The following GALP variants were observed in gnomAD, a reference collection of about 807,000 sequenced individuals.
GALP encodes the protein galanin-like peptide.
GALP carries 12 observed loss-of-function variants against 15.2 expected under a neutral mutation model. That is an observed-to-expected ratio of 0.79 (90% confidence interval 0.51 to 1.28). The LOEUF (loss-of-function observed/expected upper bound fraction) is 1.28, where lower values mean the gene tolerates loss of function less well. Among genes scored for constraint, GALP ranks in the 50% most tolerant of loss-of-function variants. The pLI, the probability that GALP is intolerant of heterozygous loss-of-function variation, is 0.00. For missense variants in GALP, 161 were observed against 145.6 expected, an observed-to-expected ratio of 1.11 and a Z score of -0.55; for synonymous variants, 58 against 55.1, an observed-to-expected ratio of 1.05 and a Z score of -0.23.
chr19:56,182,337 T>C, intron 4 of GALP, 85 bp downstream of exon 4: 1 of 959,330 alleles, frequency 1.0e-6, no homozygotes, highest in Non-Finnish European at 1.6e-6. Context: ...AGATGTGAGC[T>C]CCAGCCCTCA....
At chr19:56,180,728 C>T in intron 3 of GALP, 94 bp downstream of exon 3, 2 of 950,278 alleles carry the variant, frequency 2.1e-6, no homozygotes, top group Non-Finnish European at 3.4e-6. Flanking sequence ...CCCTCACCCA[C>T]ATTCACTGAG....
At chr19:56,182,059 G>A (rs1322715878) in intron 3 of GALP, 113 bp from the exon 4 acceptor site, 8 of 773,904 alleles carry the variant, frequency 1.0e-5, no homozygotes, top group African/African-American at 3.4e-5. Flanking sequence ...CCGTCCGACA[G>A]ACTTGGTGGA....
At chr19:56,184,323 A>G (rs1451242464) in intron 5 of GALP, among the ~76,000 whole-genome samples, 1 of 152,118 alleles carries the variant, frequency 6.6e-6, no homozygotes, top group African/African-American at 2.4e-5. Flanking sequence ...TATTTGTTAA[A>G]TGAATGAATT....
intron 5 of GALP, 135 bp from the exon 6 acceptor site, chr19:56,185,080 C>T: frequency 3.3e-6 from 2 of 603,382 alleles, no homozygotes; most frequent in Non-Finnish European, 5.9e-6. Flanking sequence ...GTGGGCAGAT[C>T]ACCTGAGGTC....
chr19:56,181,241 T>C (rs914552533), intron 3 of GALP, among the ~76,000 whole-genome samples: 4 of 151,872 alleles, frequency 2.6e-5, no homozygotes, highest in African/African-American at 9.7e-5. Flanking sequence ...AACCTTGATC[T>C]CCCTATGCCT....
chr19:56,179,108 C>T (rs758280713), intron 2 of GALP, among the ~76,000 whole-genome samples: 1 of 150,984 alleles, frequency 6.6e-6, no homozygotes, highest in Non-Finnish European at 1.5e-5. Context: ...ATCCAGGAGG[C>T]GGAGGTTGCG....
chr19:56,176,210 G>A (rs1361733456), intron 1 of GALP, 148 bp downstream of exon 1: 4 of 177,192 alleles, frequency 2.3e-5, no homozygotes, highest in South Asian at 8.2e-5. Context: ...CAGCTGCAGC[G>A]GGGTGAGAGC....
chr19:56,177,952 G>T (rs1297193287), intron 2 of GALP, among the ~76,000 whole-genome samples: 4 of 152,068 alleles, frequency 2.6e-5, no homozygotes, highest in Non-Finnish European at 4.4e-5. Context: ...CTAGATCTCT[G>T]GTACAGCATG....
At chr19:56,179,376 C>T (rs1314122612) in intron 2 of GALP, among the ~76,000 whole-genome samples, 3 of 147,864 alleles carry the variant, frequency 2.0e-5, no homozygotes, top group Non-Finnish European at 4.5e-5. Flanking sequence ...GGCGCAATGT[C>T]AGCTCACTGC....
intron 2 of GALP, among the ~76,000 whole-genome samples, chr19:56,178,549 C>T (rs1310038878): frequency 7.8e-6 from 1 of 127,902 alleles, no homozygotes; most frequent in Non-Finnish European, 1.7e-5. Flanking sequence ...AAAAGAGACG[C>T]CGGCTTGGCA....
At chr19:56,184,321 A>G (rs1019544071) in intron 5 of GALP, among the ~76,000 whole-genome samples, 1 of 152,084 alleles carries the variant, frequency 6.6e-6, no homozygotes, top group Non-Finnish European at 1.5e-5. Context: ...AATATTTGTT[A>G]AATGAATGAA....
At chr19:56,184,278 G>C (rs916514924) in intron 5 of GALP, among the ~76,000 whole-genome samples, 7 of 151,958 alleles carry the variant, frequency 4.6e-5, no homozygotes, top group African/African-American at 1.7e-4. Flanking sequence ...TCACTGCCTA[G>C]CACAATGCAT....
At chr19:56,182,722 C>A (rs2032587743) in intron 4 of GALP, among the ~76,000 whole-genome samples, 1 of 152,130 alleles carries the variant, frequency 6.6e-6, no homozygotes. Flanking sequence ...CCACACCCAG[C>A]AAATTTTGCA....
intron 4 of GALP, among the ~76,000 whole-genome samples, 177 bp from the exon 5 acceptor site, chr19:56,182,958 G>A (rs2032591801): frequency 6.6e-6 from 1 of 152,080 alleles, no homozygotes; most frequent in Non-Finnish European, 1.5e-5. Flanking sequence ...TCATCACCCA[G>A]GTACTAAGCC....
At chr19:56,180,220 C>CT (rs2032539800) in intron 2 of GALP, among the ~76,000 whole-genome samples, 1 of 152,206 alleles carries the variant, frequency 6.6e-6, no homozygotes, top group Non-Finnish European at 1.5e-5. Flanking sequence ...CTTAACATAT[C>CT]TTTAAAGTGT....
At chr19:56,182,968 C>T (rs1284969352) in intron 4 of GALP, among the ~76,000 whole-genome samples, 167 bp from the exon 5 acceptor site, 4 of 152,114 alleles carry the variant, frequency 2.6e-5, no homozygotes, top group Admixed American at 1.3e-4. Flanking sequence ...GGTACTAAGC[C>T]GAGTACCCAG....
At chr19:56,179,260 C>T (rs1221126760) in intron 2 of GALP, among the ~76,000 whole-genome samples, 2 of 151,304 alleles carry the variant, frequency 1.3e-5, no homozygotes, top group African/African-American at 4.9e-5. Context: ...TAGTGTGTTG[C>T]AATTTGTTGC....
chr19:56,176,867 A>T (rs907851659), intron 1 of GALP, among the ~76,000 whole-genome samples: 1 of 151,982 alleles, frequency 6.6e-6, no homozygotes, highest in Non-Finnish European at 1.5e-5. Context: ...CTGGGGGACC[A>T]GGTCGGCCTG....
At chr19:56,183,786 C>T (rs1414950548) in intron 5 of GALP, among the ~76,000 whole-genome samples, 4 of 151,204 alleles carry the variant, frequency 2.6e-5, no homozygotes, top group Non-Finnish European at 4.4e-5. Flanking sequence ...TTAGTAGAGA[C>T]GGGGTTTCAC....
Sources: allele counts gnomAD v4.1 joint callset (sites outside exome capture counted in the v4.1 genomes callset), GRCh38; gene constraint gnomAD v4.1.1; transcripts MANE v1.5; gene names NCBI Gene and HGNC (gene_info 2026-07-23, HGNC 2026-07-21).